Variants in UTRN observed in about 807,000 individuals in gnomAD.
The protein encoded by UTRN is utrophin, also known as dystrophin-related protein 1.
Under a neutral mutation model 463.9 loss-of-function variants are expected in UTRN, and 283 were observed. The ratio of observed to expected loss-of-function variants is 0.61; its 90% CI spans 0.55 to 0.67. The LOEUF (loss-of-function observed/expected upper bound fraction) is 0.67, where lower values mean the gene tolerates loss of function less well. Among genes scored for constraint, UTRN ranks in the 30% least tolerant of loss-of-function variants. The probability of loss-of-function intolerance (pLI) is 0.00; values close to 1 mark genes in which losing one functional copy is unlikely to be tolerated. For missense variants in UTRN, 3,922 were observed against 4,084.3 expected, an observed-to-expected ratio of 0.96 and a Z score of 1.08; for synonymous variants, 1,442 against 1,431.5, an observed-to-expected ratio of 1.01 and a Z score of -0.17.
At chr6:144,600,868 T>C (rs977756331) in intron 51 of UTRN, among the ~76,000 whole-genome samples, 1 of 152,180 alleles carries the variant, frequency 6.6e-6, no homozygotes, top group African/African-American at 2.4e-5. Flanking sequence ...GACAAGACTG[T>C]CTTGTTAGTG....
Position 144,487,622 on chromosome 6 carries a change from T to C in UTRN, c.3897T>C (p.Asp1299=), listed in dbSNP as rs757525774. 5 of 1,613,658 alleles carry C rather than the reference T, an allele frequency of 3.1e-6. No homozygotes were observed. Among genetic ancestry groups the C allele is most frequent in the Non-Finnish European group, 4.2e-6 (5 of 1,179,764 alleles). The change falls in exon 29 of 75, where the codon GAT becomes GAC. Residue 1299 remains aspartate, a synonymous_variant. Coordinates refer to ENST00000367545, the MANE Select transcript of UTRN (RefSeq NM_007124.3). ...QIRELGQTLI[D]GGILDDIISE... is the part of the protein sequence containing the mutation. ...GAGAGCTTGGCCAGACTCTGATTGA[T>C]GGGGGGATCCTGGATGATATAATCA...
chr6:144,635,145 T>G (rs535723340), intron 51 of UTRN, among the ~76,000 whole-genome samples: 10 of 148,672 alleles, frequency 6.7e-5, no homozygotes, highest in Non-Finnish European at 8.9e-5. Context: ...TGTGTTTTTT[T>G]TTTTTTTTTT....
chr6:144,839,769 C>T (rs1182152810), intron 72 of UTRN, among the ~76,000 whole-genome samples: 1 of 152,156 alleles, frequency 6.6e-6, no homozygotes, highest in Non-Finnish European at 1.5e-5. Context: ...CGCAGCCTGT[C>T]CTTGGTCACA....
At chr6:144,626,833 T>C (rs1775993118) in intron 51 of UTRN, among the ~76,000 whole-genome samples, 2 of 152,094 alleles carry the variant, frequency 1.3e-5, no homozygotes, top group Non-Finnish European at 1.5e-5. Flanking sequence ...AGAGATGGCG[T>C]TTCACCGTGT....
intron 2 of UTRN, among the ~76,000 whole-genome samples, chr6:144,307,808 TCTGCCTCAG>T (rs1805876116): frequency 2.0e-5 from 3 of 150,224 alleles, no homozygotes; most frequent in Non-Finnish European, 4.4e-5. Context: ...TAATTAACAG[TCTGCCTCAG>T]TTTTTTTTTT....
At chr6:144,829,651 A>G (rs1456007827) in intron 69 of UTRN, among the ~76,000 whole-genome samples, 3 of 151,660 alleles carry the variant, frequency 2.0e-5, no homozygotes, top group African/African-American at 4.8e-5. Flanking sequence ...TTTGGATCTG[A>G]TGGGAATCTG....
chr6:144,709,549 C>T (rs1311374380), intron 53 of UTRN, among the ~76,000 whole-genome samples: 2 of 152,114 alleles, frequency 1.3e-5, no homozygotes, highest in Non-Finnish European at 2.9e-5. Flanking sequence ...TAAAAGTTCC[C>T]ATAGAAAGAA....
chr6:144,678,687 A>G (rs1004078968), intron 52 of UTRN, 109 bp downstream of exon 52: 1 of 1,019,786 alleles, frequency 9.8e-7, no homozygotes, highest in African/African-American at 1.6e-5. Context: ...CTTCTATTTC[A>G]TCAGAAATAG....
At chr6:144,536,385 CT>C (rs1797535717) in intron 43 of UTRN, among the ~76,000 whole-genome samples, 1 of 152,030 alleles carries the variant, frequency 6.6e-6, no homozygotes, top group African/African-American at 2.4e-5. Context: ...AAGTTAAATA[CT>C]TTTCACTATG....
chr6:144,404,206 G>A (rs1783180476), intron 3 of UTRN, among the ~76,000 whole-genome samples: 2 of 152,130 alleles, frequency 1.3e-5, no homozygotes, highest in South Asian at 4.1e-4. Context: ...TTGCCTGTGA[G>A]TATGTAAGGA....
intron 11 of UTRN, 100 bp downstream of exon 11, chr6:144,437,846 G>A (rs981305327): frequency 1.6e-6 from 2 of 1,265,856 alleles, no homozygotes; most frequent in South Asian, 3.7e-5. Context: ...GATGATTACA[G>A]AACTTGCCTT....
chr6:144,302,466 T>C (rs1192037573), intron 2 of UTRN, among the ~76,000 whole-genome samples: 2 of 145,630 alleles, frequency 1.4e-5, no homozygotes, highest in Non-Finnish European at 3.0e-5. Flanking sequence ...GACGAGATTG[T>C]GCCAATGCAC....
At chr6:144,415,747 G>T (rs531898966) in intron 3 of UTRN, among the ~76,000 whole-genome samples, 1 of 152,246 alleles carries the variant, frequency 6.6e-6, no homozygotes, top group East Asian at 1.9e-4. Flanking sequence ...ATTAAAATTG[G>T]AATTATTCTG....
At chr6:144,841,318 G>A (rs1361876537) in intron 73 of UTRN, among the ~76,000 whole-genome samples, 5 of 152,020 alleles carry the variant, frequency 3.3e-5, no homozygotes, top group Admixed American at 6.6e-5. Context: ...TTTTATTCCC[G>A]CTGGTTTCTT....
intron 25 of UTRN, among the ~76,000 whole-genome samples, chr6:144,478,962 C>A (rs1562462382): frequency 6.6e-6 from 1 of 152,096 alleles, no homozygotes. Flanking sequence ...GTGGCATATA[C>A]AAACATAGTA....
chr6:144,307,203 T>A (rs983385202), intron 2 of UTRN, among the ~76,000 whole-genome samples: 2 of 152,168 alleles, frequency 1.3e-5, no homozygotes, highest in East Asian at 3.8e-4. Flanking sequence ...GGTTTTTGAT[T>A]TGTAATATTT....
Position 144,743,686 on chromosome 6 carries a change from G to A in UTRN, c.7940-4560G>A, listed in dbSNP as rs559676619. ...CTTTGGTTTTTCACCTGCATTCTAG[G>A]GAAGTGTATTATAGTCTTCTTCCTC... On this transcript the variant is annotated intron_variant, in intron 54 of 74. Transcript: ENST00000367545. Among the ~76,000 whole-genome samples the A allele has an allele frequency of 2.0e-5, 3 of 152,266 alleles. 1 individual carries two copies. Among genetic ancestry groups the A allele is most frequent in the East Asian group, 3.9e-4 (2 of 5,178 alleles).
chr6:144,290,346 C>A (rs1804104534), intron 1 of UTRN, among the ~76,000 whole-genome samples: 1 of 152,168 alleles, frequency 6.6e-6, no homozygotes, highest in Non-Finnish European at 1.5e-5. Context: ...TCACAAAGCT[C>A]CCCCTCTCCC....
Position 144,324,877 on chromosome 6 carries a change from T to C in UTRN, c.79+32970T>C, listed in dbSNP as rs567396528. ...CTCACAGATTTTGCAAGCCCTCTGA[T>C]TGAAAGTTGCCAGGATTGTTTGAGG... On this transcript the variant is annotated intron_variant, in intron 2 of 74. Transcript: ENST00000367545. 4.6e-5 allele frequency among the ~76,000 whole-genome samples: 7 copies of C among 152,292 alleles called. No homozygotes were observed. In the South Asian group the frequency reaches 1.2e-3, roughly 27 times the overall value.
Sources: gnomAD v4.1 joint callset for allele counts (sites outside exome capture counted in the v4.1 genomes callset) on GRCh38, gnomAD v4.1.1 for gene constraint, MANE v1.5 for transcripts, NCBI Gene and HGNC (gene_info 2026-07-23, HGNC 2026-07-21) for gene names.